The following CIB1 variants were observed in gnomAD, a reference collection of about 807,000 sequenced individuals.
The protein encoded by CIB1 is calcium and integrin binding 1.
Under a neutral mutation model 25.0 loss-of-function variants are expected in CIB1, and 19 were observed. That is an observed-to-expected ratio of 0.76 (90% CI 0.53 to 1.12). The LOEUF is 1.12. CIB1 is among the 50% of genes most tolerant of loss of function. The pLI is 0.00. For synonymous variants in CIB1, 104 were observed against 98.5 expected, an observed-to-expected ratio of 1.06 and a Z score of -0.33; for missense variants, 236 against 242.6, an observed-to-expected ratio of 0.97 and a Z score of 0.18.
At chr15:90,265,725 C>G in the CIB1 span, 2 of 1,613,398 alleles carry the variant, frequency 1.2e-6, no homozygotes, top group Middle Eastern at 3.5e-4. Flanking sequence ...GGCGGTTACC[C>G]TGAGTCTCTT....
chr15:90,256,575 T>C, the CIB1 span, among the ~76,000 whole-genome samples: 1 of 31,936 alleles, frequency 3.1e-5, no homozygotes, highest in African/African-American at 1.2e-4. Flanking sequence ...CTTTCTTTCT[T>C]TCTTTCTTTC....
At chr15:90,263,644 G>A in the CIB1 span, 26 of 597,602 alleles carry the variant, frequency 4.4e-5, no homozygotes, top group African/African-American at 1.5e-4. Context: ...AATAGTGGCC[G>A]CGGCCTAGAA....
chr15:90,244,772 T>C, the CIB1 span: 10 of 152,204 alleles, frequency 6.6e-5, no homozygotes, highest in African/African-American at 1.9e-4. Flanking sequence ...TGAGCTGAGA[T>C]TGCACGACTG....
chr15:90,264,966 A>G, the CIB1 span: 1 of 1,534,292 alleles, frequency 6.5e-7, no homozygotes, highest in Non-Finnish European at 8.7e-7. Context: ...CAGTTCAGGT[A>G]AAAGCAGGAG....
At chr15:90,262,963 T>TA in the CIB1 span, 6 of 1,535,450 alleles carry the variant, frequency 3.9e-6, no homozygotes, top group Non-Finnish European at 4.4e-6. Flanking sequence ...ATGTACCTTG[T>TA]AGCTGCTGCC....
chr15:90,265,447 C>A, the CIB1 span: 8 of 1,333,710 alleles, frequency 6.0e-6, no homozygotes, highest in Admixed American at 1.1e-4. Flanking sequence ...GAAACGGAAT[C>A]CGTACTTTAA....
the CIB1 span, among the ~76,000 whole-genome samples, chr15:90,246,000 A>G: frequency 2.0e-5 from 3 of 151,952 alleles, no homozygotes; most frequent in African/African-American, 7.3e-5. Context: ...GAGGCCGGGC[A>G]CGGTGGCACA....
At chr15:90,240,600 G>A in the CIB1 span, among the ~76,000 whole-genome samples, 1 of 152,152 alleles carries the variant, frequency 6.6e-6, no homozygotes, top group Non-Finnish European at 1.5e-5. Context: ...ATCACCCGAT[G>A]TCAGGAGTTC....
chr15:90,252,283 C>T, the CIB1 span, among the ~76,000 whole-genome samples: 1 of 152,022 alleles, frequency 6.6e-6, no homozygotes, highest in Non-Finnish European at 1.5e-5. Context: ...GTGATCCACC[C>T]ACCTCAGCCT....
chr15:90,254,472 G>C, the CIB1 span, among the ~76,000 whole-genome samples: 1 of 144,064 alleles, frequency 6.9e-6, no homozygotes, highest in Non-Finnish European at 1.5e-5. Flanking sequence ...CAGCCTGGGT[G>C]ACAGAGTGAG....
chr15:90,235,017 A>G (rs2151637506), upstream of CIB1, among the ~76,000 whole-genome samples: 1 of 152,278 alleles, frequency 6.6e-6, no homozygotes, highest in East Asian at 1.9e-4. Flanking sequence ...TGAGTATGTT[A>G]GTCTCAGTTT....
chr15:90,232,534 T>G lies in CIB1; in HGVS notation c.87-207A>C, dbSNP rs183199115. ...GTCTATTCTTGCAATGAGTATTTAC[T>G]GAGCATTTACTATGTGCTTGGCACT... On this transcript the variant is annotated intron_variant, in intron 2 of 6. Coordinates refer to ENST00000328649, the MANE Select transcript of CIB1 (RefSeq NM_006384.4). The G allele has an allele frequency of 4.4e-4, 290 of 652,824 alleles. 1 individual carries two copies. In the East Asian group the frequency reaches 7.5e-3, roughly 17 times the overall value. The allele number at this position is 652,824 out of a possible 1,614,324, so 40.4% of individuals were successfully genotyped here. A position where few individuals can be genotyped will look rare whatever the true frequency, so the allele number is the denominator to read the frequency against.
At chr15:90,257,746 T>C in the CIB1 span, 13 of 1,606,780 alleles carry the variant, frequency 8.1e-6, no homozygotes, top group Admixed American at 1.5e-4. Flanking sequence ...TGTTTTCTCC[T>C]GCTTCCTCTG....
the CIB1 span, among the ~76,000 whole-genome samples, chr15:90,261,380 CTT>C: frequency 3.5e-3 from 494 of 141,384 alleles, 3 homozygotes; most frequent in African/African-American, 0.011. Flanking sequence ...TGCCCGGCCA[CTT>C]TTTTTTTTTT....
the CIB1 span, among the ~76,000 whole-genome samples, chr15:90,247,561 A>G: frequency 4.0e-5 from 6 of 151,488 alleles, no homozygotes; most frequent in African/African-American, 1.5e-4. Context: ...ATCAAGGACA[A>G]TAACTACCAT....
At chr15:90,256,559 TTCTTTCTTTC>T in the CIB1 span, among the ~76,000 whole-genome samples, 1 of 45,946 alleles carries the variant, frequency 2.2e-5, no homozygotes, top group African/African-American at 1.1e-4. Context: ...CTTTCTTTCT[TTCTTTCTTTC>T]TTTCTTTCTT....
chr15:90,258,395 C>A, the CIB1 span: 2 of 811,924 alleles, frequency 2.5e-6, no homozygotes, highest in South Asian at 1.6e-5. Flanking sequence ...CTGGGGTGGG[C>A]AGGAATGAGC....
upstream of CIB1, among the ~76,000 whole-genome samples, chr15:90,235,113 G>A (rs1036722787): frequency 4.6e-5 from 7 of 152,096 alleles, no homozygotes; most frequent in Non-Finnish European, 1.0e-4. Context: ...CAGCCACTTT[G>A]GGCCCTCAGT....
the CIB1 span, chr15:90,241,162 C>T: frequency 6.2e-6 from 10 of 1,614,062 alleles, no homozygotes; most frequent in African/African-American, 1.1e-4. Context: ...GAGCTACAGA[C>T]CCAAATCCTC....
Sources: gnomAD v4.1 joint callset for allele counts (sites outside exome capture counted in the v4.1 genomes callset) on GRCh38, gnomAD v4.1.1 for gene constraint, MANE v1.5 for transcripts, NCBI Gene and HGNC (gene_info 2026-07-23, HGNC 2026-07-21) for gene names.